ERC2: variants seen among roughly 807,000 people sequenced by gnomAD.
The protein encoded by ERC2 is ELKS/RAB6-interacting/CAST family member 2.
In ERC2, 42 loss-of-function variants were observed where a neutral mutation model predicts 114.8. The observed-to-expected ratio is 0.37, with a 90% CI of 0.29 to 0.47. ERC2 has a LOEUF of 0.47. Among genes scored for constraint, ERC2 ranks in the 20% least tolerant of loss-of-function variants. The probability of loss-of-function intolerance (pLI) is 0.99; values close to 1 mark genes in which losing one functional copy is unlikely to be tolerated. For synonymous variants in ERC2, 454 were observed against 425.5 expected (o/e 1.07, Z -0.82); for missense variants, 939 against 1,150.7 (o/e 0.82, Z 2.66).
chr3:55,565,676 A>T (rs1215581169), intron 17 of ERC2, among the ~76,000 whole-genome samples: 1 of 152,248 alleles, frequency 6.6e-6, no homozygotes, highest in Non-Finnish European at 1.5e-5. Context: ...CTTGGGTTAG[A>T]GTGCCCAGGC....
At chr3:55,718,266 A>G (rs765218279) in intron 15 of ERC2, among the ~76,000 whole-genome samples, 23 of 152,314 alleles carry the variant, frequency 1.5e-4, no homozygotes, top group Non-Finnish European at 2.8e-4. Flanking sequence ...CAGCTATAAT[A>G]TCAAGAAATT....
intron 2 of ERC2, among the ~76,000 whole-genome samples, chr3:56,426,563 C>T (rs931676701): frequency 2.0e-5 from 3 of 152,210 alleles, no homozygotes; most frequent in African/African-American, 7.2e-5. Context: ...CATGCTTTAG[C>T]CAACAGAATG....
chr3:55,984,755 T>A (rs2149511858), intron 12 of ERC2, among the ~76,000 whole-genome samples: 1 of 152,294 alleles, frequency 6.6e-6, no homozygotes, highest in East Asian at 1.9e-4. Flanking sequence ...AGAATGACGC[T>A]TTCCTGCACC....
rs571221272 is a variant in ERC2, at chr3:55,665,366, T to G, written c.*39+18428A>C. Among the ~76,000 whole-genome samples, 4 of 152,248 alleles carry G rather than the reference T, an allele frequency of 2.6e-5. No homozygotes were observed. The East Asian group carries it at 7.7e-4, about 29-fold the overall frequency. On this transcript the variant is annotated intron_variant, in intron 17 of 17. Coordinates refer to ENST00000288221, the MANE Select transcript of ERC2 (RefSeq NM_015576.3). ...GGATTGAGTTGTGCCCCCTCAGAAT[T>G]CATGTGTTGAAATCCTAATCCCTAG...
At chr3:56,179,308 G>T (rs2083157983) in intron 3 of ERC2, among the ~76,000 whole-genome samples, 1 of 152,140 alleles carries the variant, frequency 6.6e-6, no homozygotes, top group Admixed American at 6.5e-5. Flanking sequence ...GTGCAGGGGT[G>T]GGTGGGAATG....
At chr3:56,271,723 T>C (rs1468178720) in intron 3 of ERC2, among the ~76,000 whole-genome samples, 1 of 152,204 alleles carries the variant, frequency 6.6e-6, no homozygotes, top group African/African-American at 2.4e-5. Context: ...ATAAGCTTAG[T>C]ACCCAATAGG....
At chr3:56,195,687 G>T (rs763454544) in intron 3 of ERC2, among the ~76,000 whole-genome samples, 1 of 151,882 alleles carries the variant, frequency 6.6e-6, no homozygotes, top group Non-Finnish European at 1.5e-5. Context: ...AAATTATCTG[G>T]GCATGGTGGT....
chr3:56,228,977 T>C (rs986461175), intron 3 of ERC2, among the ~76,000 whole-genome samples: 1 of 152,150 alleles, frequency 6.6e-6, no homozygotes, highest in African/African-American at 2.4e-5. Flanking sequence ...TAAGAGTCCA[T>C]ACCAGTCCTA....
chr3:55,898,262 G>A (rs1293336863), intron 13 of ERC2, among the ~76,000 whole-genome samples: 1 of 152,172 alleles, frequency 6.6e-6, no homozygotes, highest in Non-Finnish European at 1.5e-5. Context: ...AAGGCTGTGG[G>A]GGTGTGCTTC....
At chr3:55,554,172 G>A (rs2055430180) in intron 17 of ERC2, among the ~76,000 whole-genome samples, 1 of 152,110 alleles carries the variant, frequency 6.6e-6, no homozygotes, top group Admixed American at 6.5e-5. Context: ...AGACGACCTG[G>A]ACTATCTTAC....
chr3:55,880,928 C>A (rs1243791644), intron 14 of ERC2, among the ~76,000 whole-genome samples: 1 of 152,010 alleles, frequency 6.6e-6, no homozygotes, highest in African/African-American at 2.4e-5. Flanking sequence ...GGTTAAAAAT[C>A]ACTTTCTCAT....
At chr3:55,730,079 G>T (rs2065163346) in intron 15 of ERC2, among the ~76,000 whole-genome samples, 1 of 151,994 alleles carries the variant, frequency 6.6e-6, no homozygotes. Context: ...ACTGGAACTG[G>T]GTTTCTCTGA....
At chr3:55,732,532 G>A (rs2065318726) in intron 15 of ERC2, among the ~76,000 whole-genome samples, 1 of 152,150 alleles carries the variant, frequency 6.6e-6, no homozygotes, top group African/African-American at 2.4e-5. Flanking sequence ...CTTCGTGCAG[G>A]TTCCCAGGAA....
rs553779580 is a variant in ERC2, at chr3:55,894,959, C to T, written c.2404-6410G>A. Among the ~76,000 whole-genome samples, 177 of 152,324 alleles carry T rather than the reference C, an allele frequency of 1.2e-3. 1 individual carries two copies. The highest frequency in any genetic ancestry group is 3.1e-4 in the Non-Finnish European group (21 of 68,026). On this transcript the variant is annotated intron_variant, in intron 13 of 17. Transcript: ENST00000288221. ...TATTGCTCCATTCACCAATGCTCAA[C>T]CACACATACACATGCACATATACCC...
chr3:55,984,932 G>T (rs1027882439), intron 12 of ERC2, among the ~76,000 whole-genome samples: 27 of 152,160 alleles, frequency 1.8e-4, no homozygotes, highest in Admixed American at 1.3e-3. Context: ...AAATAACTTG[G>T]TACTGTAGTC....
At chr3:56,199,152 A>T (rs12639313) in intron 3 of ERC2, among the ~76,000 whole-genome samples, 45,642 of 152,044 alleles carry the variant, frequency 0.3, 8,447 homozygotes, top group Middle Eastern at 0.42. Context: ...TTTAACACTC[A>T]AATTGTTGGG....
intron 17 of ERC2, among the ~76,000 whole-genome samples, chr3:55,670,191 C>G (rs2061503200): frequency 2.0e-5 from 3 of 152,198 alleles, no homozygotes; most frequent in African/African-American, 7.2e-5. Context: ...CAAGGTCACA[C>G]AGCTTTCAGG....
chr3:56,443,128 G>A (rs575436629), intron 1 of ERC2, among the ~76,000 whole-genome samples: 4 of 152,208 alleles, frequency 2.6e-5, no homozygotes, highest in South Asian at 2.1e-4. Flanking sequence ...TTCACACCTC[G>A]ACAAAGAAGC....
intron 2 of ERC2, among the ~76,000 whole-genome samples, chr3:56,405,720 C>T (rs954372132): frequency 1.3e-5 from 2 of 151,982 alleles, no homozygotes; most frequent in Non-Finnish European, 2.9e-5. Context: ...TGTCTGGATG[C>T]TATCTCATAA....
Sources: allele counts gnomAD v4.1 joint callset (sites outside exome capture counted in the v4.1 genomes callset), GRCh38; gene constraint gnomAD v4.1.1; transcripts MANE v1.5; gene names NCBI Gene and HGNC (gene_info 2026-07-23, HGNC 2026-07-21).